BACE2: variants seen among roughly 807,000 people sequenced by gnomAD.
The protein encoded by BACE2 is 56 kDa aspartic-like protease.
Under a neutral mutation model 46.2 loss-of-function variants are expected in BACE2, and 17 were observed. That is an observed-to-expected ratio of 0.37 (90% CI 0.25 to 0.55). The LOEUF is 0.55. BACE2 is among the 20% of genes least tolerant of loss of function. BACE2 has a pLI of 0.82. For missense variants in BACE2, 595 were observed against 698.1 expected (o/e 0.85, Z 1.66); for synonymous variants, 277 against 295.9 (o/e 0.94, Z 0.66).
At chr21:41,188,808 C>T (rs1985467479) in intron 1 of BACE2, among the ~76,000 whole-genome samples, 1 of 152,204 alleles carries the variant, frequency 6.6e-6, no homozygotes, top group Admixed American at 6.5e-5. Context: ...TTAGCCTCTC[C>T]ACAGGGTCCT....
At chr21:41,223,275 G>A (rs1389268587) in intron 1 of BACE2, among the ~76,000 whole-genome samples, 1 of 151,912 alleles carries the variant, frequency 6.6e-6, no homozygotes, top group Non-Finnish European at 1.5e-5. Flanking sequence ...AGGATCCCTT[G>A]AGCCCAGGAG....
intron 1 of BACE2, chr21:41,179,841 A>G: frequency 2.4e-6 from 1 of 411,762 alleles, no homozygotes; most frequent in Non-Finnish European, 4.7e-6. Context: ...TGTCCCTGAC[A>G]CATGGATGTA....
intron 1 of BACE2, among the ~76,000 whole-genome samples, chr21:41,173,672 G>A (rs1234102942): frequency 6.6e-6 from 1 of 152,114 alleles, no homozygotes; most frequent in Non-Finnish European, 1.5e-5. Context: ...CTTGAACCTG[G>A]GAGGCAAAGG....
intron 3 of BACE2, among the ~76,000 whole-genome samples, chr21:41,240,125 T>C (rs1987245774): frequency 6.6e-6 from 1 of 152,166 alleles, no homozygotes; most frequent in Non-Finnish European, 1.5e-5. Context: ...GGAAGCAGAA[T>C]GTGGCTGGGA....
At position 41,267,502 on chromosome 21, in the gene BACE2, A is replaced by C. The variant is rs1169224806; in HGVS notation, c.1304-7869A>C. 2.0e-5 allele frequency among the ~76,000 whole-genome samples: 3 copies of C among 152,296 alleles called. No individual in the cohort carries two copies. The East Asian group carries it at 5.8e-4, about 29-fold the overall frequency. ...AGCACCCAAGAGCTGTATAGATCTC[A>C]GCTTGTACAACTTGAGGCACATGAT... On this transcript the variant is annotated intron_variant, in intron 8 of 8. Coordinates refer to ENST00000330333, the MANE Select transcript of BACE2 (RefSeq NM_012105.5).
At chr21:41,245,781 T>G (rs546824266) in intron 5 of BACE2, among the ~76,000 whole-genome samples, 181 bp from the exon 6 acceptor site, 47 of 152,330 alleles carry the variant, frequency 3.1e-4, no homozygotes, top group Admixed American at 7.2e-4. Context: ...GTGAGCGTGT[T>G]GGGTTGGAAG....
rs565432762 is a variant in BACE2 at position 41,252,138 on chromosome 21, T to C, written c.1134+1237T>C. 5.1e-4 allele frequency among the ~76,000 whole-genome samples: 77 copies of C among 152,284 alleles called. 1 individual carries two copies. In the South Asian group the frequency reaches 6.2e-3, roughly 12 times the overall value. ...CCACCACTTTCACCCGAGCCTCCCC[T>C]GCTATGAGTAAGCAGTGCGTCCCCA... On this transcript the variant is annotated intron_variant, in intron 7 of 8. Transcript: ENST00000330333.
intron 1 of BACE2, among the ~76,000 whole-genome samples, chr21:41,195,027 C>T (rs1985690387): frequency 6.6e-6 from 1 of 152,154 alleles, no homozygotes; most frequent in Non-Finnish European, 1.5e-5. Context: ...GAGAAGAGCA[C>T]CAAAGGGAGT....
chr21:41,243,291 C>T lies in BACE2; in HGVS notation c.748-85C>T, dbSNP rs1420436869. 2.6e-6 allele frequency: 3 copies of T among 1,165,824 alleles called. No individual in the cohort carries two copies. The East Asian group carries it at 8.0e-5, about 31-fold the overall frequency. The allele number at this position is 1,165,824 out of a possible 1,614,324, so 72.2% of individuals were successfully genotyped here. ...AAGCCCTGATTGCAGTGAAGTTTCT[C>T]TTTACAAGTGCATGCTTCTCTGTGT... On this transcript the variant is annotated intron_variant, in intron 4 of 8. Coordinates refer to ENST00000330333, the MANE Select transcript of BACE2 (RefSeq NM_012105.5).
At chr21:41,185,892 C>T (rs370392695) in intron 1 of BACE2, among the ~76,000 whole-genome samples, 1 of 152,186 alleles carries the variant, frequency 6.6e-6, no homozygotes, top group East Asian at 1.9e-4. Context: ...CTCTCACAAC[C>T]AAGTGTCCTG....
rs1046029658 is a variant in BACE2, at chr21:41,218,972, C to T, written c.313-7294C>T. On this transcript the variant is annotated intron_variant, in intron 1 of 8. Coordinates refer to ENST00000330333, the MANE Select transcript of BACE2 (RefSeq NM_012105.5). ...CCGCCTCCCGGGTTCAAGCGATTTT[C>T]CTGCCTCAGCCTCCCGAGTAGCTGG... Among the ~76,000 whole-genome samples the T allele has an allele frequency of 3.0e-4, 45 of 151,640 alleles. 1 individual carries two copies.
At chr21:41,169,817 A>T (rs1006172578) in intron 1 of BACE2, among the ~76,000 whole-genome samples, 2 of 152,192 alleles carry the variant, frequency 1.3e-5, no homozygotes, top group Non-Finnish European at 2.9e-5. Context: ...CGTCTAAGTC[A>T]TGGGAAGCCA....
intron 2 of BACE2, among the ~76,000 whole-genome samples, chr21:41,231,133 C>T (rs984460867): frequency 2.6e-5 from 4 of 152,168 alleles, no homozygotes; most frequent in African/African-American, 9.7e-5. Context: ...TCAATGAGGA[C>T]AGATATTTTT....
At chr21:41,269,899 T>C (rs1460585195) in intron 8 of BACE2, among the ~76,000 whole-genome samples, 2 of 152,256 alleles carry the variant, frequency 1.3e-5, no homozygotes, top group African/African-American at 4.8e-5. Context: ...TATGTTTTAC[T>C]ACTTAAAAAG....
intron 3 of BACE2, 71 bp from the exon 4 acceptor site, chr21:41,241,748 G>A (rs375953853): frequency 2.7e-5 from 42 of 1,574,270 alleles, no homozygotes; most frequent in Admixed American, 3.6e-5. Flanking sequence ...GGCGCGTGGC[G>A]TCTACACTGG....
intron 8 of BACE2, among the ~76,000 whole-genome samples, chr21:41,274,302 T>A (rs1255708526): frequency 9.9e-5 from 15 of 151,974 alleles, no homozygotes; most frequent in Admixed American, 9.8e-4. Context: ...TGTTTTCCTC[T>A]GATTTTAAAA....
In BACE2 at chr21:41,275,874, G is replaced by A; in HGVS notation, c.*250G>A. 1 of 522,632 alleles carries A rather than the reference G, an allele frequency of 1.9e-6. No homozygotes were observed. Among genetic ancestry groups the A allele is most frequent in the East Asian group, 3.4e-5 (1 of 29,346 alleles). The allele number at this position is 522,632 out of a possible 1,614,324, so 32.4% of individuals were successfully genotyped here. ...TCTAAACCAAAACAGAGTGGATTGG[G>A]CTGCAGGCTCTATGGGGTTCGTTAT... On this transcript the variant is annotated 3_prime_UTR_variant, in exon 9 of 9. Transcript: ENST00000330333.
rs151122642 is a variant in BACE2 at position 41,269,322 on chromosome 21, C to T, written c.1304-6049C>T. Among the ~76,000 whole-genome samples the T allele has an allele frequency of 2.6e-4, 39 of 152,244 alleles. No homozygotes were observed. The East Asian group carries it at 5.6e-3, about 22-fold the overall frequency. On this transcript the variant is annotated intron_variant, in intron 8 of 8. Transcript: ENST00000330333. Reference sequence around the variant, plus strand: ...CTATTCTTTGACATGCTTTGACTATCTTATTCTTTTGACTTTTTGAAACAG... The same window carrying T: ...CTATTCTTTGACATGCTTTGACTATTTTATTCTTTTGACTTTTTGAAACAG...
At position 41,238,809 on chromosome 21, in the gene BACE2, G is replaced by C. The variant is rs369208728; in HGVS notation, c.618+1080G>C. Reference sequence around the variant, plus strand: ...CACACTCTGGGGACTGTGGTGGGGTGGGGGGAGGGGGGAGGGATAGCCTTG... The same window carrying C: ...CACACTCTGGGGACTGTGGTGGGGTCGGGGGAGGGGGGAGGGATAGCCTTG... On this transcript the variant is annotated intron_variant, in intron 3 of 8. Transcript: ENST00000330333. Among the ~76,000 whole-genome samples the C allele has an allele frequency of 1.4e-4, 15 of 109,730 alleles. 1 individual carries two copies. Among genetic ancestry groups the C allele is most frequent in the South Asian group, 1.2e-3 (3 of 2,474 alleles). 72.0% of individuals were successfully genotyped at this position (109,730 alleles called of 152,430 possible).
Sources: gnomAD v4.1 joint callset for allele counts (sites outside exome capture counted in the v4.1 genomes callset) on GRCh38, gnomAD v4.1.1 for gene constraint, MANE v1.5 for transcripts, NCBI Gene and HGNC (gene_info 2026-07-23, HGNC 2026-07-21) for gene names.